Variants in STX11 observed in about 807,000 individuals in gnomAD.
The protein encoded by STX11 is syntaxin 11, also known as syntaxin-11.
STX11 carries 21 observed loss-of-function variants against 19.9 expected under a neutral mutation model. The ratio of observed to expected loss-of-function variants is 1.06; its 90% CI spans 0.75 to 1.52. STX11 has a LOEUF of 1.52. STX11 is among the 40% of genes most tolerant of loss of function. STX11 has a pLI of 0.00. For missense variants in STX11, 438 were observed against 405.9 expected (o/e 1.08, Z -0.68); for synonymous variants, 193 against 174.4 (o/e 1.11, Z -0.84).
At chr6:144,149,460 T>C (rs1446460771), upstream of STX11, among the ~76,000 whole-genome samples, 1 of 152,048 alleles carries the variant, frequency 6.6e-6, no homozygotes, top group African/African-American at 2.4e-5. The surrounding 1 kb of genome is among the most constrained non-coding windows in gnomAD (Gnocchi z 5.1). Flanking sequence ...GCAGGATTCG[T>C]TCTTTAGTTT....
In STX11 at chr6:144,155,982, CTTTCTTTCTTTCTT is replaced by C. The variant is rs1801134367; in HGVS notation, c.-6+5281_-6+5294del. ...TCTTTCTTTCTTTCTTTCTTTCTTT[CTTTCTTTCTTTCTT>C]TCTTTCTTTCTTTCTTTCTCTCTTT... On this transcript the variant is annotated intron_variant, in intron 1 of 1. Coordinates refer to ENST00000367568, the MANE Select transcript of STX11 (RefSeq NM_003764.4). This position sits in a 1 kb window ranked among gnomAD's most constrained non-coding sequence, Gnocchi z 4.5. Among the ~76,000 whole-genome samples, 1 of 131,290 alleles carries C rather than the reference CTTTCTTTCTTTCTT, an allele frequency of 7.6e-6. No individual in the cohort carries two copies. The highest frequency in any genetic ancestry group is 7.3e-5 in the Admixed American group (1 of 13,692). The allele number at this position is 131,290 out of a possible 152,430, so 86.1% of individuals were successfully genotyped here.
intron 1 of STX11, among the ~76,000 whole-genome samples, chr6:144,179,440 C>T (rs764708567): frequency 2.6e-5 from 4 of 152,318 alleles, no homozygotes; most frequent in Non-Finnish European, 5.9e-5. Flanking sequence ...TGGGGAAAGT[C>T]CATTTGTTGT....
rs1800996138 is a variant in STX11, at chr6:144,151,133, C to A, written c.-6+430C>A. ...GTCAAAAACACCAGAATGGGTACTT[C>A]TTGACTTGAACTTGGCGGTGTCACT... is the stretch of plus-strand genomic sequence containing the variant. On this transcript the variant is annotated intron_variant, in intron 1 of 1. Transcript: ENST00000367568. This position sits in a 1 kb window ranked among gnomAD's most constrained non-coding sequence, Gnocchi z 4.6. 1.6e-6 allele frequency: 1 copy of A among 632,028 alleles called. No homozygotes were observed. The highest frequency in any genetic ancestry group is 2.0e-5 in the African/African-American group (1 of 50,390). 39.2% of individuals were successfully genotyped at this position (632,028 alleles called of 1,614,324 possible).
In STX11 at chr6:144,153,054, T is replaced by C. The variant is rs1359372124; in HGVS notation, c.-6+2351T>C. 6.6e-6 allele frequency among the ~76,000 whole-genome samples: 1 copy of C among 152,248 alleles called. No individual in the cohort carries two copies. The highest frequency in any genetic ancestry group is 1.5e-5 in the Non-Finnish European group (1 of 68,034). On this transcript the variant is annotated intron_variant, in intron 1 of 1. Coordinates refer to ENST00000367568, the MANE Select transcript of STX11 (RefSeq NM_003764.4). The surrounding 1 kb of genome is among the most constrained non-coding windows in gnomAD (Gnocchi z 5.0). ...TGAGCCAAAATGAATAAATCTACCG[T>C]ATCACAGTTTACTGTTGCAATTGAA...
Position 144,186,910 on chromosome 6 carries a change from G to A in STX11, c.283G>A (p.Ala95Thr). The A allele has an allele frequency of 4.3e-6, 7 of 1,611,050 alleles. No individual in the cohort carries two copies. The highest frequency in any genetic ancestry group is 5.9e-6 in the Non-Finnish European group (7 of 1,180,020). The change falls in exon 2 of 2, where the codon GCC becomes ACC. Residue 95 changes from alanine to threonine, a missense_variant. By Grantham distance (58) the Ala-to-Thr change is moderately conservative. Transcript: ENST00000367568. The stretch of plus-strand genomic sequence containing the variant: ...CAACTCCATCGCCAAGGCCATCAAG[G>A]CCCGGGGCGAGGTCATCCACTGCAA... ...DTNSIAKAIKARGEVIHCKLR... is the reference protein window; with the variant it reads ...DTNSIAKAIKTRGEVIHCKLR...
Position 144,155,820 on chromosome 6 carries a change from A to G in STX11, c.-6+5117A>G, listed in dbSNP as rs60302873. 0.099 allele frequency among the ~76,000 whole-genome samples: 15,018 copies of G among 152,132 alleles called. 2,161 individuals carry two copies. The highest frequency in any genetic ancestry group is 0.32 in the African/African-American group (13,073 of 41,420). The stretch of plus-strand genomic sequence containing the variant: ...TATGGATACCAGACATTATCTGTGT[A>G]TTTCATTCAACTTCTTTGTAAGGCT... On this transcript the variant is annotated intron_variant, in intron 1 of 1. Transcript: ENST00000367568. The surrounding 1 kb of genome is among the most constrained non-coding windows in gnomAD (Gnocchi z 4.5).
rs141640848 is a variant in STX11 at position 144,187,492 on chromosome 6, C to G, written c.*1C>G. The G allele has an allele frequency of 2.5e-6, 4 of 1,611,772 alleles. No homozygotes were observed. The highest frequency in any genetic ancestry group is 2.7e-5 in the African/African-American group (2 of 74,880). On this transcript the variant is annotated 3_prime_UTR_variant, in exon 2 of 2. Transcript: ENST00000367568. This position sits in a 1 kb window ranked among gnomAD's most constrained non-coding sequence, Gnocchi z 5.6. ...CTTCTGCTGTCCCTGCCTCAAGTAG[C>G]AGGCCGGCCCGGGCCGCCACCGCCC...
rs985864482 is a variant in STX11 at position 144,159,728 on chromosome 6, A to G, written c.-6+9025A>G. ...AAATAAATGTAAAGCTCTGAAAATC[A>G]TGAACTTACATCACAGCCTTTTAAA... On this transcript the variant is annotated intron_variant, in intron 1 of 1. Transcript: ENST00000367568. This position sits in a 1 kb window ranked among gnomAD's most constrained non-coding sequence, Gnocchi z 4.3. Among the ~76,000 whole-genome samples, 1 of 152,254 alleles carries G rather than the reference A, an allele frequency of 6.6e-6. No homozygotes were observed. The highest frequency in any genetic ancestry group is 2.4e-5 in the African/African-American group (1 of 41,468).
chr6:144,161,469 G>A (rs1801336804), intron 1 of STX11, among the ~76,000 whole-genome samples: 1 of 152,144 alleles, frequency 6.6e-6, no homozygotes, highest in African/African-American at 2.4e-5. Flanking sequence ...CCAGGTTCAA[G>A]CAATTCTCAT....
chr6:144,156,103 T>G (rs1346532268), intron 1 of STX11, among the ~76,000 whole-genome samples: 1 of 130,820 alleles, frequency 7.6e-6, no homozygotes, highest in Non-Finnish European at 1.6e-5. Context: ...TCCCTTTTAT[T>G]GCACAGGCGG....
At position 144,164,579 on chromosome 6, in the gene STX11, T is replaced by G. The variant is rs553474578; in HGVS notation, c.-6+13876T>G. Among the ~76,000 whole-genome samples the G allele has an allele frequency of 3.3e-5, 5 of 152,368 alleles. No individual in the cohort carries two copies. In the South Asian group the frequency reaches 1.0e-3, roughly 32 times the overall value. ...TCACTGCAAACATGCAGCATCTCTTTTATCCAAATTAGAAGCTCACATATG... is the reference window on the plus strand; with the variant it reads ...TCACTGCAAACATGCAGCATCTCTTGTATCCAAATTAGAAGCTCACATATG... On this transcript the variant is annotated intron_variant, in intron 1 of 1. Transcript: ENST00000367568.
chr6:144,151,886 G>T lies in STX11; in HGVS notation c.-6+1183G>T, dbSNP rs781193428. 6.6e-6 allele frequency among the ~76,000 whole-genome samples: 1 copy of T among 152,202 alleles called. No individual in the cohort carries two copies. Among genetic ancestry groups the T allele is most frequent in the Non-Finnish European group, 1.5e-5 (1 of 68,032 alleles). On this transcript the variant is annotated intron_variant, in intron 1 of 1. Coordinates refer to ENST00000367568, the MANE Select transcript of STX11 (RefSeq NM_003764.4). The surrounding 1 kb of genome is among the most constrained non-coding windows in gnomAD (Gnocchi z 4.6). Reference sequence around the variant, plus strand: ...GTTGAAGCTGACAAGTCCTATTGCGGTGGGTAACAGCCCTTAGGAAGGGAC... The same window carrying T: ...GTTGAAGCTGACAAGTCCTATTGCGTTGGGTAACAGCCCTTAGGAAGGGAC...
intron 1 of STX11, among the ~76,000 whole-genome samples, chr6:144,158,381 T>G (rs1395967933): frequency 6.6e-6 from 1 of 152,214 alleles, no homozygotes; most frequent in African/African-American, 2.4e-5. Context: ...GTCCCTGGCT[T>G]GGCCTTATAC....
chr6:144,145,620 A>G (rs145492113), upstream of STX11, among the ~76,000 whole-genome samples: 16 of 152,372 alleles, frequency 1.1e-4, no homozygotes, highest in Non-Finnish European at 1.8e-4. Flanking sequence ...AACCTGGAGG[A>G]CATTATGTTA....
Position 144,187,628 on chromosome 6 carries a change from G to C in STX11, c.*137G>C, listed in dbSNP as rs1468649625. 2 of 1,219,162 alleles carry C rather than the reference G, an allele frequency of 1.6e-6. No individual in the cohort carries two copies. Among genetic ancestry groups the C allele is most frequent in the Non-Finnish European group, 1.2e-6 (1 of 865,702 alleles). The allele number at this position is 1,219,162 out of a possible 1,614,324, so 75.5% of individuals were successfully genotyped here. On this transcript the variant is annotated 3_prime_UTR_variant, in exon 2 of 2. Transcript: ENST00000367568. This position sits in a 1 kb window ranked among gnomAD's most constrained non-coding sequence, Gnocchi z 5.6. ...CTCAGTCTTTAGAAAAGAAACGCCA[G>C]GTTCAAGAATTGCAAACCAGCCTGT...
the STX11 span, among the ~76,000 whole-genome samples, chr6:144,143,268 G>A: frequency 1.3e-5 from 2 of 152,134 alleles, no homozygotes; most frequent in African/African-American, 4.8e-5. Context: ...GAACATTTCT[G>A]TCAGGATTGT....
chr6:144,174,791 ATCTAATTG>A lies in STX11; in HGVS notation c.-5-11831_-5-11824del, dbSNP rs1258877317. ...AGATGCTCACCACGTCATGGAAATA[ATCTAATTG>A]GTTGATGTATTCATGGTTCTGATAC... On this transcript the variant is annotated intron_variant, in intron 1 of 1. Transcript: ENST00000367568. This position sits in a 1 kb window ranked among gnomAD's most constrained non-coding sequence, Gnocchi z 5.3. Among the ~76,000 whole-genome samples, 1 of 152,094 alleles carries A rather than the reference ATCTAATTG, an allele frequency of 6.6e-6. No individual in the cohort carries two copies. Among genetic ancestry groups the A allele is most frequent in the Admixed American group, 6.6e-5 (1 of 15,264 alleles).
Position 144,186,754 on chromosome 6 carries a change from T to A in STX11, c.127T>A (p.Ser43Thr). The A allele has an allele frequency of 1.2e-6, 2 of 1,613,560 alleles. No individual in the cohort carries two copies. The highest frequency in any genetic ancestry group is 1.7e-6 in the Non-Finnish European group (2 of 1,179,956). ...GTTCGAGACGGACCACATCCTGGAG[T>A]CCCTGTACCGAGACATCCGGGACAT... ...IVFETDHILE[S>T]LYRDIRDIQD... is the part of the protein sequence containing the mutation. The change falls in exon 2 of 2, where the codon TCC (serine) becomes ACC (threonine). Residue 43 changes from serine to threonine, a missense_variant. Transcript: ENST00000367568.
chr6:144,187,291 C>G lies in STX11; in HGVS notation c.664C>G (p.Arg222Gly), dbSNP rs762442897. ...RELLRLESRIRDVHELFLQMA... is the reference protein window; with the variant it reads ...RELLRLESRIGDVHELFLQMA... ...ACTGCTGCGCCTGGAGAGCCGCATC[C>G]GCGACGTACACGAGCTCTTCTTGCA... Residue 222 changes from arginine (R) to glycine (G), a missense_variant, in exon 2 of 2, where the codon CGC (arginine) becomes GGC (glycine). Coordinates refer to ENST00000367568, the MANE Select transcript of STX11 (RefSeq NM_003764.4). The surrounding 1 kb of genome is among the most constrained non-coding windows in gnomAD (Gnocchi z 5.6). 6.2e-7 allele frequency: 1 copy of G among 1,612,804 alleles called. No homozygotes were observed. The highest frequency in any genetic ancestry group is 8.5e-7 in the Non-Finnish European group (1 of 1,179,966).
Sources: gnomAD v4.1 joint callset for allele counts (sites outside exome capture counted in the v4.1 genomes callset) on GRCh38, gnomAD v4.1.1 for gene constraint, Gnocchi (gnomAD v3.1) non-coding constraint, MANE v1.5 for transcripts, NCBI Gene and HGNC (gene_info 2026-07-23, HGNC 2026-07-21) for gene names.